INO80D: variants seen among roughly 807,000 people sequenced by gnomAD.
INO80D encodes the protein INO80 complex subunit D.
In INO80D, 21 loss-of-function variants were observed where a neutral mutation model predicts 87.6. The ratio of observed to expected loss-of-function variants is 0.24; its 90% CI spans 0.17 to 0.35. The LOEUF (loss-of-function observed/expected upper bound fraction) is 0.35. Among genes scored for constraint, INO80D ranks in the 10% least tolerant of loss-of-function variants. The pLI is 1.00. For missense variants in INO80D, 982 were observed against 1,280.7 expected (o/e 0.77, Z 3.56); for synonymous variants, 440 against 491.0 (o/e 0.90, Z 1.37).
chr2:206,041,786 A>C (rs534547786), intron 5 of INO80D, among the ~76,000 whole-genome samples: 1 of 152,316 alleles, frequency 6.6e-6, no homozygotes, highest in Non-Finnish European at 1.5e-5. Flanking sequence ...AAACCCCAAA[A>C]TACTCAAAAA....
chr2:206,025,528 C>CAAAAAAAAAAAAAAAA (rs71410856), intron 6 of INO80D: 2 of 54,510 alleles, frequency 3.7e-5, no homozygotes, highest in African/African-American at 1.4e-4. Context: ...AACTCCATCT[C>CAAAAAAAAAAAAAAAA]AAAAAAAAAA....
intron 1 of INO80D, among the ~76,000 whole-genome samples, chr2:206,075,481 G>A (rs1690088961): frequency 6.6e-6 from 1 of 150,820 alleles, no homozygotes; most frequent in African/African-American, 2.4e-5. Flanking sequence ...CTGTTGCCCA[G>A]GCTGGAGTGC....
chr2:206,046,914 AG>A (rs1440792031), intron 4 of INO80D, among the ~76,000 whole-genome samples: 4 of 151,834 alleles, frequency 2.6e-5, no homozygotes, highest in Non-Finnish European at 5.9e-5. Context: ...CCGAGTAGCC[AG>A]GACTACACGC....
intron 5 of INO80D, among the ~76,000 whole-genome samples, chr2:206,045,237 A>G (rs916157431): frequency 2.6e-5 from 4 of 152,144 alleles, no homozygotes; most frequent in African/African-American, 9.7e-5. Context: ...GTACTATTTG[A>G]TGATTGTATT....
chr2:206,065,469 A>C (rs929033947), intron 1 of INO80D, among the ~76,000 whole-genome samples: 1 of 152,172 alleles, frequency 6.6e-6, no homozygotes, highest in Non-Finnish European at 1.5e-5. Context: ...ACTCTGTCTC[A>C]AAAAAAGAAA....
intron 8 of INO80D, among the ~76,000 whole-genome samples, chr2:206,012,145 G>C (rs960590861): frequency 6.6e-6 from 1 of 152,128 alleles, no homozygotes; most frequent in Non-Finnish European, 1.5e-5. Flanking sequence ...TAGTCTAAAG[G>C]GCCTGCTCTA....
chr2:206,070,473 C>T (rs1483867810), intron 1 of INO80D, among the ~76,000 whole-genome samples: 2 of 151,834 alleles, frequency 1.3e-5, no homozygotes, highest in South Asian at 4.2e-4. Context: ...GTAATCCTAG[C>T]ACTTTGGGAG....
chr2:206,004,978 G>A lies in INO80D; in HGVS notation c.2474C>T (p.Pro825Leu). The change falls in exon 11 of 11, where the codon CCC (proline) becomes CTC (leucine). Residue 825 changes from proline (P) to leucine (L), a missense_variant. By Grantham distance (98) the Pro-to-Leu change is moderately conservative (BLOSUM62 -3). Coordinates refer to ENST00000403263, the MANE Select transcript of INO80D (RefSeq NM_017759.5). The surrounding 1 kb of genome is among the most constrained non-coding windows in gnomAD (Gnocchi z 4.9). ...QYSSDHSHSS[P>L]HGSHYDSEHV... ...CTCACTATCATAATGGCTTCCATGG[G>A]GTGAGGAGTGTGAGTGATCACTGCT... is the stretch of plus-strand genomic sequence containing the variant. 1 of 1,614,030 alleles carries A rather than the reference G, an allele frequency of 6.2e-7. No homozygotes were observed. Among genetic ancestry groups the A allele is most frequent in the Non-Finnish European group, 8.5e-7 (1 of 1,179,892 alleles).
chr2:206,019,963 A>G (rs776481880), intron 6 of INO80D, 118 bp from the exon 7 acceptor site: 3 of 603,110 alleles, frequency 5.0e-6, no homozygotes, highest in Non-Finnish European at 5.8e-6. Flanking sequence ...TAACATCTAC[A>G]GTCACTAAAT....
At chr2:206,053,384 T>G (rs968602013) in intron 4 of INO80D, among the ~76,000 whole-genome samples, 1 of 152,222 alleles carries the variant, frequency 6.6e-6, no homozygotes, top group African/African-American at 2.4e-5. Flanking sequence ...ACAGCATGTA[T>G]AGTAAGAGCC....
chr2:206,016,799 A>T (rs1433746541), intron 8 of INO80D, among the ~76,000 whole-genome samples: 1 of 152,062 alleles, frequency 6.6e-6, no homozygotes, highest in African/African-American at 2.4e-5. Flanking sequence ...GGTTTTATAA[A>T]TGGGAGTCGC....
At chr2:206,058,212 G>A (rs1018521715) in intron 3 of INO80D, among the ~76,000 whole-genome samples, 1 of 152,002 alleles carries the variant, frequency 6.6e-6, no homozygotes, top group Non-Finnish European at 1.5e-5. Flanking sequence ...AAGGTCAGGA[G>A]ATCGAGACTA....
chr2:206,078,289 C>T (rs944126673), intron 1 of INO80D, among the ~76,000 whole-genome samples: 1 of 151,976 alleles, frequency 6.6e-6, no homozygotes, highest in Non-Finnish European at 1.5e-5. Context: ...TGGTGGCACG[C>T]GCCTGTAGTC....
intron 6 of INO80D, among the ~76,000 whole-genome samples, chr2:206,022,477 A>C (rs1688490867): frequency 1.3e-5 from 2 of 152,198 alleles, no homozygotes; most frequent in South Asian, 4.1e-4. Flanking sequence ...AAACTTTTTC[A>C]TGTTTTTCAT....
intron 5 of INO80D, among the ~76,000 whole-genome samples, chr2:206,031,076 T>A (rs1338799080): frequency 2.0e-5 from 3 of 151,690 alleles, no homozygotes; most frequent in Non-Finnish European, 4.4e-5. Flanking sequence ...ACATCATGTA[T>A]AAAACAAGGA....
intron 4 of INO80D, among the ~76,000 whole-genome samples, chr2:206,050,975 A>T (rs1255151921): frequency 6.6e-6 from 1 of 152,102 alleles, no homozygotes; most frequent in Non-Finnish European, 1.5e-5. Flanking sequence ...TCTCAACAAC[A>T]ACAACAAAAA....
chr2:206,005,163 G>A lies in INO80D; in HGVS notation c.2289C>T (p.Gly763=). ...QGQFSAPANV[G]LTSATLISQS... is the part of the protein sequence containing the mutation. ...GGCTGATCAGAGTGGCAGAAGTAAG[G>A]CCAACGTTGGCTGGGGCAGAGAACT... The change falls in exon 11 of 11, where the codon GGC becomes GGT. Residue 763 remains glycine, a synonymous_variant. Coordinates refer to ENST00000403263, the MANE Select transcript of INO80D (RefSeq NM_017759.5). 6.2e-7 allele frequency: 1 copy of A among 1,613,992 alleles called. No homozygotes were observed. The highest frequency in any genetic ancestry group is 8.5e-7 in the Non-Finnish European group (1 of 1,179,888).
chr2:206,081,528 G>A lies in INO80D; in HGVS notation c.-124+4373C>T, dbSNP rs188075759. ...AGCACTTGGAAAGACTGAGGCAGGCGGATCCCTTGCATCCAGGAGTTTGAG... is the reference window on the plus strand; with the variant it reads ...AGCACTTGGAAAGACTGAGGCAGGCAGATCCCTTGCATCCAGGAGTTTGAG... On this transcript the variant is annotated intron_variant, in intron 1 of 10. Coordinates refer to ENST00000403263, the MANE Select transcript of INO80D (RefSeq NM_017759.5). Among the ~76,000 whole-genome samples, 51 of 152,166 alleles carry A rather than the reference G, an allele frequency of 3.4e-4. No individual in the cohort carries two copies. In the East Asian group the frequency reaches 8.3e-3, roughly 25 times the overall value.
At chr2:206,065,238 A>C (rs529281893) in intron 1 of INO80D, among the ~76,000 whole-genome samples, 2 of 152,188 alleles carry the variant, frequency 1.3e-5, no homozygotes, top group Non-Finnish European at 2.9e-5. Flanking sequence ...TGGGAGGCCG[A>C]GGCAGGCGGA....
Sources: gnomAD v4.1 joint callset for allele counts (sites outside exome capture counted in the v4.1 genomes callset) on GRCh38, gnomAD v4.1.1 for gene constraint, Gnocchi (gnomAD v3.1) non-coding constraint, MANE v1.5 for transcripts, NCBI Gene and HGNC (gene_info 2026-07-23, HGNC 2026-07-21) for gene names.